ELP1: variants seen among roughly 807,000 people sequenced by gnomAD.
ELP1 encodes the protein elongator acetyltransferase complex subunit 1.
In ELP1, 131 loss-of-function variants were observed where a neutral mutation model predicts 183.2. The ratio of observed to expected loss-of-function variants is 0.72; its 90% CI spans 0.62 to 0.83. The LOEUF (loss-of-function observed/expected upper bound fraction) is 0.83, where lower values mean the gene tolerates loss of function less well. Among genes scored for constraint, ELP1 ranks in the 40% least tolerant of loss-of-function variants. ELP1 has a pLI of 0.00. For synonymous variants in ELP1, 555 were observed against 569.0 expected (o/e 0.98, Z 0.35); for missense variants, 1,550 against 1,594.9 (o/e 0.97, Z 0.48).
intron 12 of ELP1, 67 bp downstream of exon 12, chr9:108,910,943 A>G (rs1376228446): frequency 2.8e-6 from 4 of 1,418,602 alleles, no homozygotes; most frequent in Non-Finnish European, 4.0e-6. Flanking sequence ...CCAAACTATA[A>G]TTTGCTTTTA....
At chr9:108,889,171 A>G (rs56268554) in intron 29 of ELP1, among the ~76,000 whole-genome samples, 161 bp downstream of exon 29, 1 of 152,262 alleles carries the variant, frequency 6.6e-6, no homozygotes, top group African/African-American at 2.4e-5. Flanking sequence ...TACTAAATTT[A>G]GATTTCCAAG....
intron 19 of ELP1, 124 bp from the exon 20 acceptor site, chr9:108,900,019 A>G (rs1022880455): frequency 1.1e-6 from 1 of 892,174 alleles, no homozygotes; most frequent in Admixed American, 2.0e-5. Flanking sequence ...GCACACTTTT[A>G]GCAGAATCTT....
At chr9:108,875,836 C>A in intron 35 of ELP1, 1 of 284,836 alleles carries the variant, frequency 3.5e-6, no homozygotes, top group Non-Finnish European at 7.0e-6. Context: ...CCCAGGCATT[C>A]GAGGCTGCAC....
Position 108,880,069 on chromosome 9 carries a change from G to A in ELP1, c.3443C>T (p.Ala1148Val), listed in dbSNP as rs560506429. Residue 1148 changes from alanine to valine, a missense_variant, in exon 32 of 37, where the codon GCC becomes GTC. Physicochemically the swap from Ala to Val is moderately conservative, Grantham distance 64. Coordinates refer to ENST00000374647, the MANE Select transcript of ELP1 (RefSeq NM_003640.5). ...ATACTCACCCAGACCTGCCTGCTGGGCTTGCTCCTTGAGCTCTCGAACTAC... is the reference window on the plus strand; with the variant it reads ...ATACTCACCCAGACCTGCCTGCTGGACTTGCTCCTTGAGCTCTCGAACTAC... ...LLVVRELKEQ[A>V]QQAGLDDEVP... The A allele has an allele frequency of 1.2e-6, 2 of 1,613,284 alleles. No individual in the cohort carries two copies. The highest frequency in any genetic ancestry group is 3.3e-5 in the Admixed American group (2 of 60,032).
intron 5 of ELP1, among the ~76,000 whole-genome samples, chr9:108,923,320 C>T (rs564965811): frequency 9.9e-4 from 150 of 152,176 alleles, no homozygotes; most frequent in Non-Finnish European, 1.8e-3. Context: ...TGCAGTGAGC[C>T]CTGATTGTAC....
chr9:108,930,056 CA>C (rs1233014747), intron 2 of ELP1, 135 bp from the exon 3 acceptor site: 1 of 1,017,854 alleles, frequency 9.8e-7, no homozygotes, highest in African/African-American at 1.6e-5. Flanking sequence ...GATGAAAATC[CA>C]AACTTTCATT....
chr9:108,901,622 T>C lies in ELP1; in HGVS notation c.1908+6A>G. On this transcript the variant is annotated splice_donor_region_variant and intron_variant, in intron 17 of 36. Transcript: ENST00000374647. The stretch of plus-strand genomic sequence containing the variant: ...AAGGATCCAACACCAAACCAAGCCT[T>C]GATACCTCAATGTCATTGATGAAAA... 6.2e-7 allele frequency: 1 copy of C among 1,614,136 alleles called. No homozygotes were observed.
intron 1 of ELP1, among the ~76,000 whole-genome samples, chr9:108,932,907 A>T (rs2132056529): frequency 6.6e-6 from 1 of 152,196 alleles, no homozygotes; most frequent in East Asian, 1.9e-4. Context: ...TCCACACCAA[A>T]GGTCAATCGT....
rs138183089 is a variant in ELP1, at chr9:108,902,826, C to T, written c.1854+13G>A. Reference sequence around the variant, plus strand: ...ACTACTTTAAGTAAATTTCCTGCTCCGTGTTCACCTACCTCTTCTCCAATC... The same window carrying T: ...ACTACTTTAAGTAAATTTCCTGCTCTGTGTTCACCTACCTCTTCTCCAATC... On this transcript the variant is annotated intron_variant, in intron 16 of 36. Coordinates refer to ENST00000374647, the MANE Select transcript of ELP1 (RefSeq NM_003640.5). The T allele has an allele frequency of 9.4e-6, 15 of 1,594,488 alleles. No individual in the cohort carries two copies. The highest frequency in any genetic ancestry group is 4.0e-5 in the African/African-American group (3 of 74,578).
intron 28 of ELP1, 62 bp downstream of exon 28, chr9:108,891,141 A>C (rs1027045466): frequency 4.5e-6 from 7 of 1,539,946 alleles, no homozygotes; most frequent in Middle Eastern, 1.7e-4. Flanking sequence ...AAAATTACCA[A>C]ACAAAAGAAA....
intron 16 of ELP1, among the ~76,000 whole-genome samples, chr9:108,902,237 A>G (rs1160173778): frequency 6.6e-6 from 1 of 152,092 alleles, no homozygotes; most frequent in Non-Finnish European, 1.5e-5. Flanking sequence ...ATCTCAGCAC[A>G]CACATCACTG....
chr9:108,875,683 C>T, intron 35 of ELP1: 1 of 408,246 alleles, frequency 2.4e-6, no homozygotes, highest in Non-Finnish European at 4.8e-6. Flanking sequence ...TCACTTGAGG[C>T]CAGGAGTTCA....
At chr9:108,889,525 A>G in intron 28 of ELP1, 132 bp from the exon 29 acceptor site, 1 of 799,832 alleles carries the variant, frequency 1.3e-6, no homozygotes, top group Non-Finnish European at 2.2e-6. Context: ...AGGTATATAC[A>G]CCACAGAGTC....
At chr9:108,908,189 G>A in intron 13 of ELP1, 116 bp downstream of exon 13, 2 of 780,346 alleles carry the variant, frequency 2.6e-6, no homozygotes, top group South Asian at 2.9e-5. Context: ...CCTGGGTGTT[G>A]TCTTTATTTC....
At chr9:108,880,657 A>G (rs181525161) in intron 31 of ELP1, among the ~76,000 whole-genome samples, 51 of 152,376 alleles carry the variant, frequency 3.3e-4, no homozygotes, top group African/African-American at 1.2e-3. Context: ...TTAAAAAAGC[A>G]AAATACTACT....
chr9:108,901,365 T>G (rs1421764886), intron 18 of ELP1, 60 bp downstream of exon 18: 1 of 1,212,886 alleles, frequency 8.2e-7, no homozygotes, highest in African/African-American at 1.5e-5. Flanking sequence ...CAAAAAGTCA[T>G]CAAGACTCCA....
intron 18 of ELP1, 110 bp downstream of exon 18, chr9:108,901,307 TCTCCAGCC>T: frequency 1.4e-6 from 1 of 731,332 alleles, no homozygotes. Flanking sequence ...CTAAAGATTT[TCTCCAGCC>T]TAGGACTCCT....
intron 14 of ELP1, among the ~76,000 whole-genome samples, chr9:108,905,232 G>A (rs746329092): frequency 2.0e-5 from 3 of 152,162 alleles, no homozygotes; most frequent in East Asian, 3.8e-4. Flanking sequence ...ATAAAGGAAA[G>A]GTTCCTAATT....
At chr9:108,893,852 G>C in intron 26 of ELP1, 91 bp downstream of exon 26, 1 of 1,347,370 alleles carries the variant, frequency 7.4e-7, no homozygotes, top group Non-Finnish European at 1.1e-6. Flanking sequence ...AGTGAAATCA[G>C]TCACTGTCTA....
Sources: gnomAD v4.1 joint callset for allele counts (sites outside exome capture counted in the v4.1 genomes callset) on GRCh38, gnomAD v4.1.1 for gene constraint, MANE v1.5 for transcripts, NCBI Gene and HGNC (gene_info 2026-07-23, HGNC 2026-07-21) for gene names.